Variants in CPNE4 observed in about 807,000 individuals in gnomAD.
CPNE4 encodes the protein copine 4.
A neutral mutation model predicts 67.9 loss-of-function variants in CPNE4; 25 were observed. The ratio of observed to expected loss-of-function variants is 0.37; its 90% CI spans 0.27 to 0.51. CPNE4 has a LOEUF of 0.51. CPNE4 is among the 20% of genes least tolerant of loss of function. The pLI is 0.93. For missense variants in CPNE4, 464 were observed against 690.8 expected, an observed-to-expected ratio of 0.67 and a Z score of 3.68; for synonymous variants, 242 against 244.9, an observed-to-expected ratio of 0.99 and a Z score of 0.11.
intron 1 of CPNE4, among the ~76,000 whole-genome samples, chr3:131,920,101 G>T (rs1176447724): frequency 6.6e-6 from 1 of 152,060 alleles, no homozygotes; most frequent in African/African-American, 2.4e-5. Context: ...TCCTTCTGTG[G>T]ATTCATAAAT....
chr3:131,583,422 G>A lies in CPNE4; in HGVS notation c.781-1757C>T, dbSNP rs73874134. 1.7e-3 allele frequency among the ~76,000 whole-genome samples: 261 copies of A among 152,202 alleles called. 2 individuals are homozygous for A. The highest frequency in any genetic ancestry group is 6.0e-3 in the African/African-American group (251 of 41,526). ...CCTCTAATATTTCAGTAAAACAGGT[G>A]GTTTAGGGATTTACCAAACAGTTGG... On this transcript the variant is annotated intron_variant, in intron 8 of 15. Coordinates refer to ENST00000429747, the MANE Select transcript of CPNE4 (RefSeq NM_130808.3).
At chr3:131,952,583 C>T (rs1164659178) in intron 1 of CPNE4, among the ~76,000 whole-genome samples, 7 of 76,464 alleles carry the variant, frequency 9.2e-5, no homozygotes, top group Admixed American at 7.2e-4. Context: ...GGGGTCAGCA[C>T]CCCGCCCGGC....
rs570970150 is a variant in CPNE4, at chr3:131,795,310, A to G, written c.181-71685T>C. On this transcript the variant is annotated intron_variant, in intron 2 of 15. Coordinates refer to ENST00000429747, the MANE Select transcript of CPNE4 (RefSeq NM_130808.3). ...AGAAACATATTAATAAAAGCCTCTG[A>G]GAAATAAAAATGAGATCCCAAATCC... Among the ~76,000 whole-genome samples, 68 of 152,346 alleles carry G rather than the reference A, an allele frequency of 4.5e-4. 1 individual carries two copies. Among genetic ancestry groups the G allele is most frequent in the Non-Finnish European group, 6.6e-4 (45 of 68,026 alleles).
At chr3:131,615,759 A>C (rs556010977) in intron 7 of CPNE4, among the ~76,000 whole-genome samples, 62 of 152,138 alleles carry the variant, frequency 4.1e-4, no homozygotes, top group Non-Finnish European at 8.2e-4. Context: ...CTGCATGCCC[A>C]TAATCCCAGC....
chr3:131,800,317 CCTA>C (rs934926074), intron 2 of CPNE4, among the ~76,000 whole-genome samples: 2 of 152,132 alleles, frequency 1.3e-5, no homozygotes, highest in African/African-American at 4.8e-5. Flanking sequence ...TCTCCTAACA[CCTA>C]ATAATACAGA....
At chr3:131,889,127 T>C (rs1345971704) in intron 2 of CPNE4, among the ~76,000 whole-genome samples, 1 of 152,182 alleles carries the variant, frequency 6.6e-6, no homozygotes. Flanking sequence ...AAGTAATTCA[T>C]AAGCATCATC....
chr3:131,701,784 A>G (rs756517365), intron 3 of CPNE4, among the ~76,000 whole-genome samples: 5 of 152,170 alleles, frequency 3.3e-5, no homozygotes, highest in African/African-American at 7.2e-5. Flanking sequence ...CAGAGACAAA[A>G]ATATATGAAG....
chr3:131,577,306 C>G (rs960374994), intron 9 of CPNE4, among the ~76,000 whole-genome samples: 1 of 151,966 alleles, frequency 6.6e-6, no homozygotes, highest in Non-Finnish European at 1.5e-5. Flanking sequence ...CATACACACA[C>G]GTATACATAT....
At chr3:132,004,467 CAG>C (rs1297442844) in intron 1 of CPNE4, among the ~76,000 whole-genome samples, 1 of 151,818 alleles carries the variant, frequency 6.6e-6, no homozygotes, top group Non-Finnish European at 1.5e-5. Context: ...TTCAGAAAGA[CAG>C]AGAAATTTGG....
intron 1 of CPNE4, among the ~76,000 whole-genome samples, chr3:131,988,825 T>C (rs1189731544): frequency 6.6e-6 from 1 of 152,380 alleles, no homozygotes; most frequent in South Asian, 2.1e-4. Context: ...TCTTTTTCCA[T>C]GGTCAGCATA....
chr3:131,936,964 CA>C (rs780735987), intron 1 of CPNE4, among the ~76,000 whole-genome samples: 11 of 142,098 alleles, frequency 7.7e-5, no homozygotes, highest in East Asian at 4.1e-4. Flanking sequence ...ATGAGAAAAG[CA>C]AAAAAAAAGG....
At chr3:131,864,097 T>C (rs1337206972) in intron 2 of CPNE4, among the ~76,000 whole-genome samples, 1 of 151,988 alleles carries the variant, frequency 6.6e-6, no homozygotes, top group Non-Finnish European at 1.5e-5. Flanking sequence ...CATGCTGTTT[T>C]GGTTACTGTA....
chr3:131,741,172 CTGTT>C (rs1479371582), intron 2 of CPNE4, among the ~76,000 whole-genome samples: 1 of 152,060 alleles, frequency 6.6e-6, no homozygotes, highest in African/African-American at 2.4e-5. Context: ...TTCTGGTTCA[CTGTT>C]TGTTTATCCC....
At chr3:131,587,995 A>G (rs1938294906) in intron 7 of CPNE4, among the ~76,000 whole-genome samples, 1 of 152,216 alleles carries the variant, frequency 6.6e-6, no homozygotes, top group South Asian at 2.1e-4. Context: ...GAGTCCATCT[A>G]TATAGCTTTC....
At chr3:131,841,608 A>G (rs1237112923) in intron 2 of CPNE4, among the ~76,000 whole-genome samples, 1 of 152,194 alleles carries the variant, frequency 6.6e-6, no homozygotes, top group Non-Finnish European at 1.5e-5. Flanking sequence ...AACAGTTTCA[A>G]CCCAAAATCA....
intron 7 of CPNE4, among the ~76,000 whole-genome samples, chr3:131,632,057 T>A (rs148022709): frequency 2.0e-5 from 3 of 150,852 alleles, no homozygotes; most frequent in African/African-American, 7.3e-5. Flanking sequence ...TGAGCCAAGA[T>A]TGCACCACTG....
intron 5 of CPNE4, among the ~76,000 whole-genome samples, chr3:131,691,039 A>G (rs2081022295): frequency 6.6e-6 from 1 of 152,174 alleles, no homozygotes; most frequent in African/African-American, 2.4e-5. Context: ...CCTATTACTA[A>G]AACGTCAAAA....
intron 1 of CPNE4, among the ~76,000 whole-genome samples, chr3:132,006,697 A>C (rs907561323): frequency 1.3e-5 from 2 of 150,944 alleles, no homozygotes; most frequent in Admixed American, 1.3e-4. Flanking sequence ...TGTTGTGTTA[A>C]AAAGTTGATT....
intron 3 of CPNE4, among the ~76,000 whole-genome samples, chr3:131,721,398 CTT>C (rs35719411): frequency 7.8e-6 from 1 of 128,342 alleles, no homozygotes; most frequent in African/African-American, 3.0e-5. Context: ...ACGGATCTAC[CTT>C]TTTTTTTTTT....
Sources: gnomAD v4.1 joint callset for allele counts (sites outside exome capture counted in the v4.1 genomes callset) on GRCh38, gnomAD v4.1.1 for gene constraint, MANE v1.5 for transcripts, NCBI Gene and HGNC (gene_info 2026-07-23, HGNC 2026-07-21) for gene names.